BSN: variants seen among roughly 807,000 people sequenced by gnomAD.
The protein encoded by BSN is protein bassoon.
BSN carries 57 observed loss-of-function variants against 264.8 expected under a neutral mutation model. The observed-to-expected ratio is 0.22, with a 90% CI of 0.17 to 0.27. The LOEUF (loss-of-function observed/expected upper bound fraction) is 0.27. BSN is among the 10% of genes least tolerant of loss of function. BSN has a pLI of 1.00. For missense variants in BSN, 4,615 were observed against 5,232.5 expected (o/e 0.88, Z 3.64); for synonymous variants, 2,059 against 2,137.3 (o/e 0.96, Z 1.01).
chr3:49,606,858 G>A lies in BSN; in HGVS notation c.225-18117G>A, dbSNP rs551373416. Among the ~76,000 whole-genome samples, 193 of 152,304 alleles carry A rather than the reference G, an allele frequency of 1.3e-3. 1 individual carries two copies. The highest frequency in any genetic ancestry group is 4.2e-3 in the African/African-American group (176 of 41,562). On this transcript the variant is annotated intron_variant, in intron 1 of 11. Coordinates refer to ENST00000296452, the MANE Select transcript of BSN (RefSeq NM_003458.4). ...AGGCTGGGCACGGTGGCTCACACCT[G>A]TAATCCCAGCACTTTGGGAGGCCGA...
chr3:49,607,639 A>G (rs2052167827), intron 1 of BSN, among the ~76,000 whole-genome samples: 1 of 152,076 alleles, frequency 6.6e-6, no homozygotes, highest in Non-Finnish European at 1.5e-5. Context: ...CTTAATCACC[A>G]CTCTCAGGCA....
Position 49,660,841 on chromosome 3 carries a change from A to G in BSN, c.8996A>G (p.Tyr2999Cys), listed in dbSNP as rs1333390454. The G allele has an allele frequency of 3.0e-5, 49 of 1,613,070 alleles. No individual in the cohort carries two copies. The highest frequency in any genetic ancestry group is 4.1e-5 in the Non-Finnish European group (48 of 1,179,986). The stretch of plus-strand genomic sequence containing the variant: ...GCCAAAGACCGGGGTGGCCGTGACT[A>G]CCCACCCTTGCGTGGTCTTGGCGAG... ...SLAKDRGGRD[Y>C]PPLRGLGEHR... The change falls in exon 6 of 12, where the codon TAC becomes TGC. Residue 2999 changes from tyrosine (Y) to cysteine (C), a missense_variant. Around this residue, in one of 3 missense-constraint regions of BSN, gnomAD observed 3,415 missense variants for 3,866.4 expected, o/e 0.88. Coordinates refer to ENST00000296452, the MANE Select transcript of BSN (RefSeq NM_003458.4). This position sits in a 1 kb window ranked among gnomAD's most constrained non-coding sequence, Gnocchi z 7.1.
In BSN at chr3:49,656,243, A is replaced by T. The variant is rs770387983; in HGVS notation, c.6687A>T (p.Ala2229=). ...MVRGGMYRPY[A]SGGITAVPLT... is the part of the protein sequence containing the mutation. Reference sequence around the variant, plus strand: ...GTGGTGGCATGTACAGGCCTTACGCATCTGGTGGAATCACAGCCGTGCCAC... The same window carrying T: ...GTGGTGGCATGTACAGGCCTTACGCTTCTGGTGGAATCACAGCCGTGCCAC... The change falls in exon 5 of 12, where the codon GCA becomes GCT. Residue 2229 remains alanine, a synonymous_variant. Coordinates refer to ENST00000296452, the MANE Select transcript of BSN (RefSeq NM_003458.4). The T allele has an allele frequency of 2.5e-6, 4 of 1,611,724 alleles. No individual in the cohort carries two copies.
At position 49,653,625 on chromosome 3, in the gene BSN, C is replaced by T. The variant is rs772220014; in HGVS notation, c.4069C>T (p.His1357Tyr). ...AKETQDPLKLHSSPASPSSAS... is the reference protein window; with the variant it reads ...AKETQDPLKLYSSPASPSSAS... ...GGAGACTCAGGACCCCCTCAAGCTG[C>T]ACAGCTCTCCTGCCTCCCCCAGCTC... Residue 1357 changes from histidine (H) to tyrosine (Y), a missense_variant, in exon 5 of 12, where the codon CAC becomes TAC. Physicochemically the swap from His to Tyr is moderately conservative, Grantham distance 83. Around this residue, in one of 3 missense-constraint regions of BSN, gnomAD observed 3,415 missense variants for 3,866.4 expected, o/e 0.88. Transcript: ENST00000296452. The surrounding 1 kb of genome is among the most constrained non-coding windows in gnomAD (Gnocchi z 6.3). 1.2e-5 allele frequency: 20 copies of T among 1,613,710 alleles called. No homozygotes were observed. Among genetic ancestry groups the T allele is most frequent in the Non-Finnish European group, 4.2e-6 (5 of 1,180,002 alleles).
chr3:49,581,327 A>G (rs1156746612), intron 1 of BSN, among the ~76,000 whole-genome samples: 1 of 151,078 alleles, frequency 6.6e-6, no homozygotes, highest in Non-Finnish European at 1.5e-5. Context: ...CTACTTTTTG[A>G]CTCCAGTAGT....
Position 49,655,606 on chromosome 3 carries a change from G to T in BSN, c.6050G>T (p.Ser2017Ile). The T allele has an allele frequency of 1.2e-6, 2 of 1,613,694 alleles. No homozygotes were observed. Among genetic ancestry groups the T allele is most frequent in the Non-Finnish European group, 1.7e-6 (2 of 1,180,006 alleles). Residue 2017 changes from serine to isoleucine, a missense_variant, in exon 5 of 12, where the codon AGC becomes ATC. This residue lies in a region of BSN where 3,415 missense variants were observed against 3,866.4 expected (regional missense o/e 0.88). Coordinates refer to ENST00000296452, the MANE Select transcript of BSN (RefSeq NM_003458.4). ...GPGRDSAMDLSSLKHSYSLGF... is the reference protein window; with the variant it reads ...GPGRDSAMDLISLKHSYSLGF... Reference sequence around the variant, plus strand: ...GGACGAGACTCGGCTATGGACCTCAGCTCACTGAAGCACTCCTACAGCCTG... The same window carrying T: ...GGACGAGACTCGGCTATGGACCTCATCTCACTGAAGCACTCCTACAGCCTG...
In BSN at chr3:49,670,412, C is replaced by T. The variant is rs1348293108; in HGVS notation, c.*2927C>T. The T allele has an allele frequency of 6.6e-6, 1 of 152,276 alleles. No individual in the cohort carries two copies. The highest frequency in any genetic ancestry group is 2.4e-5 in the African/African-American group (1 of 41,440). 9.4% of individuals were successfully genotyped at this position (152,276 alleles called of 1,614,324 possible). A position where few individuals can be genotyped will look rare whatever the true frequency, so the allele number is the denominator to read the frequency against. On this transcript the variant is annotated 3_prime_UTR_variant, in exon 12 of 12. Coordinates refer to ENST00000296452, the MANE Select transcript of BSN (RefSeq NM_003458.4). Reference sequence around the variant, plus strand: ...CTTTTCAGCAAATTTCCTTTCTGGCCAAGCCCTCTGAGTTTGAAATTCTGA... The same window carrying T: ...CTTTTCAGCAAATTTCCTTTCTGGCTAAGCCCTCTGAGTTTGAAATTCTGA...
chr3:49,563,691 G>A (rs2051732518), intron 1 of BSN, among the ~76,000 whole-genome samples: 1 of 152,234 alleles, frequency 6.6e-6, no homozygotes. Context: ...TTTGGCTTCA[G>A]TAGGTTATAT....
Position 49,654,206 on chromosome 3 carries a change from C to T in BSN, c.4650C>T (p.Ser1550=). Residue 1550 remains serine, a synonymous_variant, in exon 5 of 12, where the codon TCC becomes TCT. Transcript: ENST00000296452. The surrounding 1 kb of genome is among the most constrained non-coding windows in gnomAD (Gnocchi z 4.1). ...CGCCTCGCCTGGTGTGGCAGGAGTC[C>T]TCTCAAGAGGCTCCCTTTATGGTCA... is the stretch of plus-strand genomic sequence containing the variant. ...PSTPRLVWQE[S]SQEAPFMVIT... is the part of the protein sequence containing the mutation. 1 of 1,613,910 alleles carries T rather than the reference C, an allele frequency of 6.2e-7. No individual in the cohort carries two copies. The highest frequency in any genetic ancestry group is 2.2e-5 in the East Asian group (1 of 44,882).
chr3:49,570,067 T>C (rs530481934), intron 1 of BSN, among the ~76,000 whole-genome samples: 2 of 152,302 alleles, frequency 1.3e-5, no homozygotes, highest in East Asian at 3.9e-4. Flanking sequence ...ATGCAGGCTG[T>C]AGCACACGAA....
At chr3:49,662,766 C>A in intron 6 of BSN, 110 bp from the exon 7 acceptor site, 1 of 1,431,820 alleles carries the variant, frequency 7.0e-7, no homozygotes, top group Non-Finnish European at 9.3e-7. Flanking sequence ...GCCTGCTGAT[C>A]TGCTTGTGGC....
chr3:49,634,169 C>T (rs1489890516), intron 2 of BSN, among the ~76,000 whole-genome samples: 4 of 150,280 alleles, frequency 2.7e-5, no homozygotes, highest in African/African-American at 9.8e-5. Context: ...GATAGTGCCA[C>T]TGCACTCCAG....
intron 1 of BSN, among the ~76,000 whole-genome samples, chr3:49,556,150 A>T (rs2051669608): frequency 6.6e-6 from 1 of 152,188 alleles, no homozygotes; most frequent in Non-Finnish European, 1.5e-5. Context: ...TTTTAGCTTG[A>T]GGGAGGCTCA....
At chr3:49,666,669 G>C (rs994166455) in intron 11 of BSN, among the ~76,000 whole-genome samples, 3 of 152,122 alleles carry the variant, frequency 2.0e-5, no homozygotes, top group South Asian at 4.1e-4. Flanking sequence ...AAAAAGGGGA[G>C]GGAACAGCAC....
intron 1 of BSN, among the ~76,000 whole-genome samples, chr3:49,611,262 G>A (rs1216863816): frequency 6.6e-6 from 1 of 152,222 alleles, no homozygotes; most frequent in Admixed American, 6.5e-5. Flanking sequence ...GTAAAAGGCT[G>A]TAGTAGTAGG....
At chr3:49,583,081 G>A (rs2108017249) in intron 1 of BSN, among the ~76,000 whole-genome samples, 1 of 152,040 alleles carries the variant, frequency 6.6e-6, no homozygotes, top group Non-Finnish European at 1.5e-5. Context: ...AGATTCTCCT[G>A]CTTCAGCCTC....
intron 11 of BSN, among the ~76,000 whole-genome samples, chr3:49,665,940 G>T (rs1253297450): frequency 1.3e-5 from 2 of 152,268 alleles, no homozygotes; most frequent in South Asian, 2.1e-4. Flanking sequence ...GCCAAGGCAG[G>T]TTGGGACACC....
intron 1 of BSN, among the ~76,000 whole-genome samples, chr3:49,581,916 G>C (rs1362945482): frequency 6.6e-6 from 1 of 152,110 alleles, no homozygotes; most frequent in African/African-American, 2.4e-5. Flanking sequence ...GAGGATAAGT[G>C]GGGGCTACTA....
chr3:49,658,056 C>A lies in BSN; in HGVS notation c.8500C>A (p.Leu2834Ile), dbSNP rs575646657. ...GAAGCACTTCACGGCTGACAGCGCT[C>A]TCCGCCAGCAGACGCTGCCTCGCCC... Reference protein sequence around the residue: ...PQKHFTADSALRQQTLPRPMK... With the variant: ...PQKHFTADSAIRQQTLPRPMK... The change falls in exon 5 of 12, where the codon CTC becomes ATC. Residue 2834 changes from leucine to isoleucine, a missense_variant. Leu to Ile is a conservative substitution (Grantham distance 5). Coordinates refer to ENST00000296452, the MANE Select transcript of BSN (RefSeq NM_003458.4). The A allele has an allele frequency of 2.9e-5, 47 of 1,613,484 alleles. 1 individual carries two copies. In the South Asian group the frequency reaches 5.1e-4, roughly 17 times the overall value.
Sources: gnomAD v4.1 joint callset for allele counts (sites outside exome capture counted in the v4.1 genomes callset) on GRCh38, gnomAD v4.1.1 for gene constraint, gnomAD v4.1.1 regional missense constraint, Gnocchi (gnomAD v3.1) non-coding constraint, MANE v1.5 for transcripts, NCBI Gene and HGNC (gene_info 2026-07-23, HGNC 2026-07-21) for gene names.